Variants in ULK4 observed in about 807,000 individuals in gnomAD.
ULK4 encodes the protein unc-51 like kinase 4, also known as inactive serine/threonine-protein kinase ULK4.
In ULK4, 133 loss-of-function variants were observed where a neutral mutation model predicts 160.6. The observed-to-expected ratio is 0.83, with a 90% confidence interval of 0.72 to 0.96. The LOEUF is 0.96. Ranked by LOEUF, ULK4 falls within the 40% of genes least tolerant of loss-of-function variation. The pLI is 0.00. For missense variants in ULK4, 1,580 were observed against 1,499.5 expected (o/e 1.05, Z -0.89); for synonymous variants, 534 against 539.8 (o/e 0.99, Z 0.15).
chr3:41,707,221 C>T (rs1208971123), intron 25 of ULK4, among the ~76,000 whole-genome samples: 2 of 151,946 alleles, frequency 1.3e-5, no homozygotes, highest in African/African-American at 4.8e-5. Flanking sequence ...GAAGAGTAAC[C>T]ATTAAAATGC....
At chr3:41,577,931 A>C (rs2088253030) in intron 31 of ULK4, among the ~76,000 whole-genome samples, 1 of 152,216 alleles carries the variant, frequency 6.6e-6, no homozygotes, top group South Asian at 2.1e-4. Context: ...GTAACACTGT[A>C]AACACTGCTC....
At chr3:41,937,295 C>T (rs772481342) in intron 3 of ULK4, 1 of 687,686 alleles carries the variant, frequency 1.5e-6, no homozygotes, top group South Asian at 1.5e-5. Flanking sequence ...TCTTGATAAC[C>T]TTGTCCATGT....
chr3:41,465,561 C>G (rs191929744), intron 32 of ULK4, among the ~76,000 whole-genome samples: 176 of 152,266 alleles, frequency 1.2e-3, no homozygotes, highest in African/African-American at 4.1e-3. Flanking sequence ...CCTTTAATTT[C>G]TAATAGTCCT....
At chr3:41,899,987 T>C (rs1171289584) in intron 13 of ULK4, among the ~76,000 whole-genome samples, 1 of 152,034 alleles carries the variant, frequency 6.6e-6, no homozygotes, top group Non-Finnish European at 1.5e-5. Flanking sequence ...AAAAAACATT[T>C]ATAAATAAGA....
chr3:41,706,386 T>A (rs1367090222), intron 25 of ULK4, among the ~76,000 whole-genome samples: 1 of 145,610 alleles, frequency 6.9e-6, no homozygotes, highest in African/African-American at 2.5e-5. Context: ...ATATATATAT[T>A]TATATATATT....
Position 41,385,729 on chromosome 3 carries a change from A to G in ULK4, c.3678+12350T>C, listed in dbSNP as rs2125800296. On this transcript the variant is annotated intron_variant, in intron 35 of 36. Transcript: ENST00000301831. ...AACTTTAAATTGCTTGCAGTGGATCATGATGTGTAGTTGGAAAAACACAAA... is the reference window on the plus strand; with the variant it reads ...AACTTTAAATTGCTTGCAGTGGATCGTGATGTGTAGTTGGAAAAACACAAA... Among the ~76,000 whole-genome samples the G allele has an allele frequency of 1.3e-5, 2 of 152,326 alleles. 1 individual carries two copies. The highest frequency in any genetic ancestry group is 4.1e-4 in the South Asian group (2 of 4,824).
intron 34 of ULK4, among the ~76,000 whole-genome samples, chr3:41,449,612 CACTG>C (rs1236382252): frequency 6.6e-6 from 1 of 151,980 alleles, no homozygotes; most frequent in African/African-American, 2.4e-5. Flanking sequence ...TATTTCATGC[CACTG>C]ACTGTGAAGT....
At chr3:41,290,716 C>T (rs545681303) in intron 35 of ULK4, among the ~76,000 whole-genome samples, 8 of 152,322 alleles carry the variant, frequency 5.3e-5, no homozygotes, top group Non-Finnish European at 1.0e-4. Flanking sequence ...TCCTCTAGGT[C>T]ATGTGCTCCC....
chr3:41,246,629 A>G lies in ULK4; in HGVS notation c.*300T>C, dbSNP rs1456533676. On this transcript the variant is annotated 3_prime_UTR_variant, in exon 37 of 37. Transcript: ENST00000301831. Reference sequence around the variant, plus strand: ...TTTGCATCCACTGCTTTATTACCACAGGCAGTGCTAACCTTAGCCCACCTG... The same window carrying G: ...TTTGCATCCACTGCTTTATTACCACGGGCAGTGCTAACCTTAGCCCACCTG... The G allele has an allele frequency of 6.1e-6, 2 of 328,818 alleles. No individual in the cohort carries two copies. Among genetic ancestry groups the G allele is most frequent in the Non-Finnish European group, 1.1e-5 (2 of 175,336 alleles). The allele number at this position is 328,818 out of a possible 1,614,324, so 20.4% of individuals were successfully genotyped here.
At chr3:41,704,107 AGG>A (rs920239641) in intron 27 of ULK4, among the ~76,000 whole-genome samples, 1 of 152,182 alleles carries the variant, frequency 6.6e-6, no homozygotes, top group Non-Finnish European at 1.5e-5. Context: ...TTTTGCCTTT[AGG>A]GTTAGTTGTT....
At chr3:41,619,436 A>G (rs1464506318) in intron 30 of ULK4, among the ~76,000 whole-genome samples, 1 of 152,244 alleles carries the variant, frequency 6.6e-6, no homozygotes, top group Non-Finnish European at 1.5e-5. Flanking sequence ...CTCAGACCAC[A>G]GTGCAATCAA....
chr3:41,883,834 T>A (rs776567320), intron 17 of ULK4, 40 bp downstream of exon 17: 1 of 1,513,116 alleles, frequency 6.6e-7, no homozygotes, highest in African/African-American at 1.4e-5. Context: ...AGAACAGTAT[T>A]TCTTGACATT....
chr3:41,631,956 T>C (rs889805619), intron 30 of ULK4, among the ~76,000 whole-genome samples: 2 of 152,198 alleles, frequency 1.3e-5, no homozygotes, highest in African/African-American at 2.4e-5. Flanking sequence ...TTCTGTCCAG[T>C]GCTTTCCATT....
chr3:41,939,366 G>C (rs1699880824), intron 2 of ULK4, among the ~76,000 whole-genome samples: 3 of 151,968 alleles, frequency 2.0e-5, no homozygotes, highest in African/African-American at 7.3e-5. Flanking sequence ...CATCATGTTG[G>C]CCAGGCTGGT....
At chr3:41,826,939 C>G (rs544825237) in intron 18 of ULK4, among the ~76,000 whole-genome samples, 3 of 142,620 alleles carry the variant, frequency 2.1e-5, no homozygotes. Context: ...TGTAAAAGAA[C>G]AGAAATTACA....
chr3:41,928,568 T>TC (rs1405120886), intron 5 of ULK4, among the ~76,000 whole-genome samples: 1 of 148,386 alleles, frequency 6.7e-6, no homozygotes, highest in Non-Finnish European at 1.5e-5. Context: ...AGGAGCTGTT[T>TC]TTTTTTAAAT....
intron 2 of ULK4, among the ~76,000 whole-genome samples, chr3:41,943,212 C>CAA (rs71288051): frequency 6.2e-4 from 59 of 95,524 alleles, no homozygotes; most frequent in Admixed American, 1.1e-3. Context: ...GACTCCATCT[C>CAA]AAAAAAAAAA....
intron 32 of ULK4, among the ~76,000 whole-genome samples, chr3:41,487,854 CAT>C (rs1219766896): frequency 2.0e-5 from 3 of 152,130 alleles, no homozygotes; most frequent in African/African-American, 4.8e-5. Flanking sequence ...AGTTATATAA[CAT>C]GTGTAAATAT....
chr3:41,837,103 C>T (rs916277563), intron 17 of ULK4, among the ~76,000 whole-genome samples: 2 of 152,140 alleles, frequency 1.3e-5, no homozygotes, highest in Non-Finnish European at 2.9e-5. Context: ...CCACAACATC[C>T]AAGCATGCAA....
Sources: gnomAD v4.1 joint callset for allele counts (sites outside exome capture counted in the v4.1 genomes callset) on GRCh38, gnomAD v4.1.1 for gene constraint, MANE v1.5 for transcripts, NCBI Gene and HGNC (gene_info 2026-07-23, HGNC 2026-07-21) for gene names.